The following ROBO1 variants were observed in gnomAD, a reference collection of about 807,000 sequenced individuals.
ROBO1 encodes roundabout guidance receptor 1.
In ROBO1, 149 loss-of-function variants were observed where a neutral mutation model predicts 195.9. The observed-to-expected ratio is 0.76, with a 90% CI of 0.67 to 0.87. The LOEUF (loss-of-function observed/expected upper bound fraction) is 0.87, where lower values mean the gene tolerates loss of function less well. Among genes scored for constraint, ROBO1 ranks in the 40% least tolerant of loss-of-function variants. ROBO1 has a pLI of 0.00. For missense variants in ROBO1, 1,933 were observed against 2,068.3 expected (o/e 0.93, Z 1.27); for synonymous variants, 816 against 733.2 (o/e 1.11, Z -1.82).
chr3:79,706,053 AT>A (rs959906913), intron 1 of ROBO1, among the ~76,000 whole-genome samples: 1 of 151,998 alleles, frequency 6.6e-6, no homozygotes, highest in African/African-American at 2.4e-5. Flanking sequence ...GTTCCAGAAG[AT>A]TTTTGTTGAT....
intron 1 of ROBO1, among the ~76,000 whole-genome samples, chr3:79,720,681 T>A (rs889009878): frequency 2.0e-5 from 3 of 152,188 alleles, no homozygotes; most frequent in African/African-American, 7.2e-5. Context: ...TCTGTTACAT[T>A]CATAATGTTC....
intron 3 of ROBO1, among the ~76,000 whole-genome samples, chr3:78,968,102 C>T (rs2076685969): frequency 6.6e-6 from 1 of 152,038 alleles, no homozygotes; most frequent in Non-Finnish European, 1.5e-5. Flanking sequence ...AAAAGATCTG[C>T]AAGTTTTATT....
At chr3:79,657,440 C>T (rs1171254573) in intron 1 of ROBO1, among the ~76,000 whole-genome samples, 1 of 151,672 alleles carries the variant, frequency 6.6e-6, no homozygotes, top group Admixed American at 6.6e-5. Flanking sequence ...ATGTAAAAGA[C>T]TAATAAAACA....
chr3:79,041,527 C>T (rs915861379), intron 3 of ROBO1, among the ~76,000 whole-genome samples: 1 of 151,610 alleles, frequency 6.6e-6, no homozygotes, highest in African/African-American at 2.4e-5. Flanking sequence ...CTATGCATAT[C>T]AAATTAACAG....
intron 4 of ROBO1, among the ~76,000 whole-genome samples, chr3:78,847,740 C>T (rs1036439694): frequency 1.3e-5 from 2 of 152,098 alleles, no homozygotes; most frequent in East Asian, 1.9e-4. Context: ...GCTAAAGCCA[C>T]ATAACTTCTT....
At chr3:79,301,929 T>A (rs112661290) in intron 2 of ROBO1, among the ~76,000 whole-genome samples, 30 of 152,338 alleles carry the variant, frequency 2.0e-4, no homozygotes, top group African/African-American at 7.2e-4. Flanking sequence ...AATAGATACA[T>A]GGACTATGTC....
At chr3:79,235,787 G>A (rs1179244253) in intron 2 of ROBO1, among the ~76,000 whole-genome samples, 1 of 151,806 alleles carries the variant, frequency 6.6e-6, no homozygotes, top group African/African-American at 2.4e-5. Flanking sequence ...GCTTTCCAGA[G>A]ACCCATATTT....
At chr3:79,567,981 T>G (rs1371787224) in intron 2 of ROBO1, among the ~76,000 whole-genome samples, 1 of 152,142 alleles carries the variant, frequency 6.6e-6, no homozygotes, top group Non-Finnish European at 1.5e-5. Flanking sequence ...GTTTTCTAAA[T>G]TAAGTGGCCC....
chr3:78,848,462 C>T (rs1207433047), intron 4 of ROBO1, among the ~76,000 whole-genome samples: 2 of 152,082 alleles, frequency 1.3e-5, no homozygotes, highest in East Asian at 3.9e-4. Context: ...AATTAAAGCA[C>T]AGTAAAGGGG....
intron 1 of ROBO1, among the ~76,000 whole-genome samples, chr3:79,630,181 G>A (rs141537623): frequency 1.3e-3 from 192 of 151,868 alleles, no homozygotes; most frequent in African/African-American, 4.2e-3. Flanking sequence ...CCAAGCAAGG[G>A]CACCAAAAGA....
intron 2 of ROBO1, among the ~76,000 whole-genome samples, chr3:79,215,161 A>C (rs2082033237): frequency 6.6e-6 from 1 of 151,952 alleles, no homozygotes; most frequent in Non-Finnish European, 1.5e-5. Flanking sequence ...GTAATCCACG[A>C]GTCTTTCTTG....
At chr3:78,825,407 T>C (rs1438485401) in intron 4 of ROBO1, among the ~76,000 whole-genome samples, 1 of 152,136 alleles carries the variant, frequency 6.6e-6, no homozygotes, top group Non-Finnish European at 1.5e-5. Flanking sequence ...AGGTAGCTGA[T>C]GACCTTAACC....
chr3:79,417,940 G>A (rs1164189902), intron 2 of ROBO1, among the ~76,000 whole-genome samples: 2 of 151,950 alleles, frequency 1.3e-5, no homozygotes, highest in Non-Finnish European at 2.9e-5. Context: ...AATGTATCAC[G>A]ACCAGATTAT....
chr3:79,053,746 C>T (rs1394521043), intron 3 of ROBO1, among the ~76,000 whole-genome samples: 1 of 152,006 alleles, frequency 6.6e-6, no homozygotes, highest in Non-Finnish European at 1.5e-5. Flanking sequence ...CATGCTTTTC[C>T]TGTCACTTCT....
At chr3:79,403,376 A>G (rs1475049483) in intron 2 of ROBO1, among the ~76,000 whole-genome samples, 2 of 152,002 alleles carry the variant, frequency 1.3e-5, no homozygotes, top group African/African-American at 4.8e-5. Flanking sequence ...TTGGGCAGGG[A>G]TTTTGGACAA....
At chr3:79,523,235 TTTAG>T (rs1559962927) in intron 2 of ROBO1, among the ~76,000 whole-genome samples, 6 of 152,010 alleles carry the variant, frequency 3.9e-5, no homozygotes, top group Middle Eastern at 3.4e-3. Context: ...TTCTCAATCC[TTTAG>T]TTAAAGAAAC....
chr3:79,322,769 A>C (rs994190852), intron 2 of ROBO1, among the ~76,000 whole-genome samples: 1 of 152,298 alleles, frequency 6.6e-6, no homozygotes, highest in African/African-American at 2.4e-5. Flanking sequence ...ACGGGTATTC[A>C]ACAAATATTT....
intron 2 of ROBO1, among the ~76,000 whole-genome samples, chr3:79,317,714 G>A (rs2033798512): frequency 6.6e-6 from 1 of 151,856 alleles, no homozygotes; most frequent in South Asian, 2.1e-4. Context: ...ATGTGTCTTT[G>A]CTCACATGTC....
At chr3:78,807,228 G>A (rs754132122) in intron 4 of ROBO1, among the ~76,000 whole-genome samples, 3 of 152,168 alleles carry the variant, frequency 2.0e-5, no homozygotes, top group Non-Finnish European at 4.4e-5. Context: ...CAAAAGAACA[G>A]AAGGAAATTG....
Sources: gnomAD v4.1 joint callset for allele counts (sites outside exome capture counted in the v4.1 genomes callset) on GRCh38, gnomAD v4.1.1 for gene constraint, MANE v1.5 for transcripts, NCBI Gene and HGNC (gene_info 2026-07-23, HGNC 2026-07-21) for gene names.